ADARB1: variants seen among roughly 807,000 people sequenced by gnomAD.
The protein encoded by ADARB1 is double-stranded RNA-specific editase 1.
ADARB1 carries 10 observed loss-of-function variants against 52.4 expected under a neutral mutation model. The ratio of observed to expected loss-of-function variants is 0.19; its 90% CI spans 0.12 to 0.32. ADARB1 has a LOEUF of 0.32. Ranked by LOEUF, ADARB1 falls within the 10% of genes least tolerant of loss-of-function variation. ADARB1 has a pLI of 1.00. For missense variants in ADARB1, 643 were observed against 922.3 expected (o/e 0.70, Z 3.92); for synonymous variants, 349 against 371.1 (o/e 0.94, Z 0.68).
intron 8 of ADARB1, among the ~76,000 whole-genome samples, chr21:45,199,563 A>G (rs898759944): frequency 4.6e-5 from 7 of 152,244 alleles, no homozygotes; most frequent in African/African-American, 1.4e-4. Flanking sequence ...GCAGCCCACC[A>G]TACACTATCC....
intron 1 of ADARB1, among the ~76,000 whole-genome samples, chr21:45,087,959 G>T (rs2086411985): frequency 6.6e-6 from 1 of 152,194 alleles, no homozygotes; most frequent in Non-Finnish European, 1.5e-5. Flanking sequence ...TGTGGGGATT[G>T]AACAAATAAG....
At chr21:45,187,047 G>A (rs902301273) in intron 8 of ADARB1, among the ~76,000 whole-genome samples, 64 of 152,054 alleles carry the variant, frequency 4.2e-4, no homozygotes, top group African/African-American at 1.5e-3. Context: ...TTTGGATGAA[G>A]TTTTTCAAAA....
intron 8 of ADARB1, among the ~76,000 whole-genome samples, chr21:45,186,228 A>G (rs910624272): frequency 6.6e-6 from 1 of 152,178 alleles, no homozygotes; most frequent in Non-Finnish European, 1.5e-5. Flanking sequence ...TTTTCATTCA[A>G]CCTATATTTT....
intron 1 of ADARB1, among the ~76,000 whole-genome samples, chr21:45,085,512 T>C (rs1401037833): frequency 7.9e-5 from 12 of 152,220 alleles, no homozygotes; most frequent in Non-Finnish European, 1.6e-4. Context: ...GTCTACTCCA[T>C]TCTCGATATG....
chr21:45,172,015 T>TA lies in ADARB1; in HGVS notation c.28+332dup, dbSNP rs1345650009. ...GAATAATGCTCCGAGTATTCACACA[T>TA]ACAAATCGAAGATAACGTCTGAGAT... On this transcript the variant is annotated intron_variant, in intron 3 of 10. Coordinates refer to ENST00000348831, the MANE Select transcript of ADARB1 (RefSeq NM_001112.4). The surrounding 1 kb of genome is among the most constrained non-coding windows in gnomAD (Gnocchi z 4.4). Among the ~76,000 whole-genome samples the TA allele has an allele frequency of 1.3e-5, 2 of 152,164 alleles. No homozygotes were observed. The highest frequency in any genetic ancestry group is 2.9e-5 in the Non-Finnish European group (2 of 68,026).
chr21:45,212,576 C>G (rs550752819), intron 9 of ADARB1, among the ~76,000 whole-genome samples: 60 of 152,184 alleles, frequency 3.9e-4, no homozygotes, highest in African/African-American at 1.4e-3. Context: ...GCCAGCCCAG[C>G]CCTGTGTGTG....
chr21:45,084,191 T>C (rs1318456404), intron 1 of ADARB1, among the ~76,000 whole-genome samples: 4 of 152,244 alleles, frequency 2.6e-5, no homozygotes, highest in Non-Finnish European at 5.9e-5. Context: ...GTTCTCTCCA[T>C]TTCTGGAAGA....
At chr21:45,125,801 G>C (rs1241505426) in intron 1 of ADARB1, among the ~76,000 whole-genome samples, 3 of 152,168 alleles carry the variant, frequency 2.0e-5, no homozygotes, top group African/African-American at 7.2e-5. Flanking sequence ...GTTTATCTTT[G>C]TGTACCTGCC....
Position 45,116,955 on chromosome 21 carries a change from C to G in ADARB1, c.-219-11447C>G, listed in dbSNP as rs138356246. ...CAGCATAATTGATATACTGTGGTTA[C>G]TCTACCTATTTGTGTAGGCCTCTCA... is the stretch of plus-strand genomic sequence containing the variant. On this transcript the variant is annotated intron_variant, in intron 1 of 10. Transcript: ENST00000348831. 5 of 152,098 alleles carry G rather than the reference C, an allele frequency of 3.3e-5. No homozygotes were observed. The East Asian group carries it at 9.7e-4, about 29-fold the overall frequency. The allele number at this position is 152,098 out of a possible 1,614,324, so 9.4% of individuals were successfully genotyped here. A position where few individuals can be genotyped will look rare whatever the true frequency, so the allele number is the denominator to read the frequency against.
At chr21:45,188,611 TTG>T (rs67965417) in intron 8 of ADARB1, among the ~76,000 whole-genome samples, 75,231 of 150,198 alleles carry the variant, frequency 0.5, 18,993 homozygotes, top group South Asian at 0.56. Flanking sequence ...CATAGTTGAA[TTG>T]TTTTTTTTTT....
chr21:45,104,084 C>T (rs1296711667), intron 1 of ADARB1, among the ~76,000 whole-genome samples: 2 of 152,138 alleles, frequency 1.3e-5, no homozygotes, highest in Non-Finnish European at 2.9e-5. Context: ...TGGAGCAGTG[C>T]GTTCAGCTAG....
chr21:45,137,278 C>A (rs2089443401), intron 2 of ADARB1: 1 of 152,178 alleles, frequency 6.6e-6, no homozygotes. Flanking sequence ...CTCTTGTGGG[C>A]AGATTCCCCT....
At chr21:45,117,827 C>T (rs1486370344) in intron 1 of ADARB1, among the ~76,000 whole-genome samples, 1 of 152,154 alleles carries the variant, frequency 6.6e-6, no homozygotes, top group Non-Finnish European at 1.5e-5. Flanking sequence ...CTTTCTCCCT[C>T]CCCACCCCAT....
chr21:45,134,911 C>T (rs2089278402), intron 2 of ADARB1: 1 of 489,652 alleles, frequency 2.0e-6, no homozygotes, highest in Non-Finnish European at 4.2e-6. Context: ...GGTGAGTCCC[C>T]TGCTGCCTGG....
intron 1 of ADARB1, among the ~76,000 whole-genome samples, chr21:45,119,701 A>C (rs1198335513): frequency 2.6e-5 from 4 of 152,246 alleles, no homozygotes; most frequent in Non-Finnish European, 5.9e-5. Context: ...CTGCTGCATC[A>C]GAATTTAGAG....
At chr21:45,122,852 G>A (rs2088284013) in intron 1 of ADARB1, among the ~76,000 whole-genome samples, 1 of 152,154 alleles carries the variant, frequency 6.6e-6, no homozygotes, top group South Asian at 2.1e-4. Context: ...TTTTGTGTGA[G>A]GAATATAAAG....
At chr21:45,202,032 C>T (rs1002127197) in intron 8 of ADARB1, among the ~76,000 whole-genome samples, 3 of 151,946 alleles carry the variant, frequency 2.0e-5, no homozygotes, top group African/African-American at 7.3e-5. Context: ...GGTGACAGGG[C>T]TGGGGGATCT....
At chr21:45,185,660 T>C (rs925674165) in intron 8 of ADARB1, among the ~76,000 whole-genome samples, 2 of 152,238 alleles carry the variant, frequency 1.3e-5, no homozygotes, top group Non-Finnish European at 2.9e-5. Context: ...TTCAGAGGCC[T>C]GTATCCAGAG....
At chr21:45,175,097 A>G (rs1395757250) in intron 3 of ADARB1, among the ~76,000 whole-genome samples, 4 of 152,242 alleles carry the variant, frequency 2.6e-5, no homozygotes, top group Non-Finnish European at 4.4e-5. Flanking sequence ...CTAAAAAGCC[A>G]TAATACTTTA....
Sources: gnomAD v4.1 joint callset for allele counts (sites outside exome capture counted in the v4.1 genomes callset) on GRCh38, gnomAD v4.1.1 for gene constraint, Gnocchi (gnomAD v3.1) non-coding constraint, MANE v1.5 for transcripts, NCBI Gene and HGNC (gene_info 2026-07-23, HGNC 2026-07-21) for gene names.